Variants in GPC5 observed in about 807,000 individuals in gnomAD.
GPC5 encodes glypican-5.
In GPC5, 47 loss-of-function variants were observed where a neutral mutation model predicts 53.9. The ratio of observed to expected loss-of-function variants is 0.87; its 90% CI spans 0.69 to 1.11. GPC5 has a LOEUF of 1.11. Among genes scored for constraint, GPC5 ranks in the 50% most tolerant of loss-of-function variants. GPC5 has a pLI of 0.00. For missense variants in GPC5, 748 were observed against 713.1 expected (o/e 1.05, Z -0.56); for synonymous variants, 286 against 263.3 (o/e 1.09, Z -0.84).
At chr13:92,666,982 G>T (rs1327675613) in intron 7 of GPC5, among the ~76,000 whole-genome samples, 1 of 152,074 alleles carries the variant, frequency 6.6e-6, no homozygotes, top group Non-Finnish European at 1.5e-5. Flanking sequence ...AGGGAAAAAT[G>T]CCACCCTATA....
At chr13:92,799,848 T>C (rs555775035) in intron 7 of GPC5, among the ~76,000 whole-genome samples, 35 of 151,926 alleles carry the variant, frequency 2.3e-4, no homozygotes, top group African/African-American at 8.2e-4. Flanking sequence ...TCCAAATAAT[T>C]TGTGCTGTCA....
intron 7 of GPC5, among the ~76,000 whole-genome samples, chr13:92,220,724 T>C (rs568064425): frequency 6.6e-6 from 1 of 152,344 alleles, no homozygotes; most frequent in South Asian, 2.1e-4. Flanking sequence ...ACTTCTTGCA[T>C]TTTCATTGTT....
chr13:91,940,397 A>G (rs1197724864), intron 6 of GPC5, among the ~76,000 whole-genome samples: 3 of 152,108 alleles, frequency 2.0e-5, no homozygotes, highest in Non-Finnish European at 2.9e-5. Flanking sequence ...TCCATTGTTG[A>G]TGGGCATCTA....
intron 5 of GPC5, among the ~76,000 whole-genome samples, chr13:91,788,411 T>C (rs1476101990): frequency 6.6e-6 from 1 of 152,176 alleles, no homozygotes; most frequent in African/African-American, 2.4e-5. Flanking sequence ...ATATGAATAT[T>C]GGGGAGACAT....
chr13:92,183,584 T>G (rs960499045), intron 7 of GPC5, among the ~76,000 whole-genome samples: 4 of 152,306 alleles, frequency 2.6e-5, no homozygotes, highest in Non-Finnish European at 4.4e-5. Flanking sequence ...CACTTATATA[T>G]AAATTTTAAG....
chr13:92,117,254 A>G (rs2041608958), intron 6 of GPC5, among the ~76,000 whole-genome samples: 7 of 152,186 alleles, frequency 4.6e-5, no homozygotes, highest in Admixed American at 4.6e-4. Context: ...TGGAAATGGC[A>G]TTATGTTGCC....
At chr13:91,582,004 T>C (rs979003616) in intron 2 of GPC5, among the ~76,000 whole-genome samples, 7 of 152,080 alleles carry the variant, frequency 4.6e-5, no homozygotes, top group African/African-American at 1.7e-4. Flanking sequence ...TAAATTAGGC[T>C]TAGGGAGGCT....
intron 2 of GPC5, among the ~76,000 whole-genome samples, chr13:91,571,499 T>C (rs1350676003): frequency 6.6e-6 from 1 of 151,872 alleles, no homozygotes; most frequent in African/African-American, 2.4e-5. Context: ...TAAAAATATA[T>C]ATTGTGAGTA....
chr13:92,714,068 G>A (rs1426122741), intron 7 of GPC5, among the ~76,000 whole-genome samples: 2 of 152,096 alleles, frequency 1.3e-5, no homozygotes, highest in Non-Finnish European at 2.9e-5. Context: ...ATTTATTCCT[G>A]TTGTTTGTCA....
intron 7 of GPC5, among the ~76,000 whole-genome samples, chr13:92,330,222 A>T (rs1004051469): frequency 1.1e-4 from 16 of 152,112 alleles, no homozygotes; most frequent in Admixed American, 1.0e-3. Context: ...CTCCAACTCT[A>T]ATCCCCAAAT....
At chr13:92,308,069 C>T (rs924142810) in intron 7 of GPC5, among the ~76,000 whole-genome samples, 2 of 152,020 alleles carry the variant, frequency 1.3e-5, no homozygotes, top group African/African-American at 4.8e-5. Context: ...ATTATGTGTT[C>T]CAAGAAGTGT....
Position 92,382,291 on chromosome 13 carries a change from C to T in GPC5, c.1561+237302C>T, listed in dbSNP as rs537152022. Among the ~76,000 whole-genome samples, 5 of 151,856 alleles carry T rather than the reference C, an allele frequency of 3.3e-5. No individual in the cohort carries two copies. The East Asian group carries it at 5.8e-4, about 18-fold the overall frequency. On this transcript the variant is annotated intron_variant, in intron 7 of 7. Transcript: ENST00000377067. Reference sequence around the variant, plus strand: ...GTATATACTGCTCCGGTGATGGGTGCGCCAAAATCTCCCAAATCACCACTA... The same window carrying T: ...GTATATACTGCTCCGGTGATGGGTGTGCCAAAATCTCCCAAATCACCACTA...
intron 7 of GPC5, among the ~76,000 whole-genome samples, chr13:92,630,373 T>G (rs540746960): frequency 3.2e-4 from 49 of 152,254 alleles, no homozygotes; most frequent in African/African-American, 1.2e-3. Flanking sequence ...AATGTACACC[T>G]ACATGAGAAA....
chr13:92,218,062 T>C (rs1031622540), intron 7 of GPC5, among the ~76,000 whole-genome samples: 6 of 151,816 alleles, frequency 4.0e-5, no homozygotes, highest in African/African-American at 1.2e-4. Context: ...TAGCTAGAAC[T>C]ACAGGAATAT....
chr13:92,646,211 A>T (rs1312925878), intron 7 of GPC5, among the ~76,000 whole-genome samples: 1 of 152,140 alleles, frequency 6.6e-6, no homozygotes, highest in Non-Finnish European at 1.5e-5. Flanking sequence ...ATAACAAGAA[A>T]GGTGAGGATC....
At chr13:91,675,101 ATCAC>A (rs2035351428) in intron 2 of GPC5, among the ~76,000 whole-genome samples, 1 of 151,840 alleles carries the variant, frequency 6.6e-6, no homozygotes, top group Admixed American at 6.6e-5. Context: ...TTTGTTTACT[ATCAC>A]TCTTTCTTCC....
chr13:91,631,557 C>T (rs916368405), intron 2 of GPC5, among the ~76,000 whole-genome samples: 27 of 152,164 alleles, frequency 1.8e-4, no homozygotes, highest in Non-Finnish European at 1.5e-4. Flanking sequence ...CTCAAGGTAG[C>T]TGAGCACTGC....
At chr13:91,571,972 T>A (rs2031876593) in intron 2 of GPC5, among the ~76,000 whole-genome samples, 1 of 143,642 alleles carries the variant, frequency 7.0e-6, no homozygotes, top group Admixed American at 6.8e-5. Context: ...TGTATATATG[T>A]GTATATATGT....
intron 7 of GPC5, among the ~76,000 whole-genome samples, chr13:92,788,742 A>AAAGTT (rs1364264365): frequency 6.6e-6 from 1 of 152,160 alleles, no homozygotes; most frequent in Non-Finnish European, 1.5e-5. Flanking sequence ...ATTTTCTACA[A>AAAGTT]AAGTTTAAGG....
Sources: allele counts gnomAD v4.1 joint callset (sites outside exome capture counted in the v4.1 genomes callset), GRCh38; gene constraint gnomAD v4.1.1; transcripts MANE v1.5; gene names NCBI Gene and HGNC (gene_info 2026-07-23, HGNC 2026-07-21).